The following SCML4 variants were observed in gnomAD, a reference collection of about 807,000 sequenced individuals.
SCML4 encodes the protein Scm polycomb group protein like 4.
Under a neutral mutation model 41.1 loss-of-function variants are expected in SCML4, and 34 were observed. The ratio of observed to expected loss-of-function variants is 0.83; its 90% CI spans 0.63 to 1.10. SCML4 has a LOEUF of 1.10. Among genes scored for constraint, SCML4 ranks in the 50% least tolerant of loss-of-function variants. The pLI is 0.00. For synonymous variants in SCML4, 214 were observed against 220.9 expected (o/e 0.97, Z 0.28); for missense variants, 522 against 534.1 (o/e 0.98, Z 0.22).
At chr6:107,749,275 A>C (rs1487752760) in intron 3 of SCML4, among the ~76,000 whole-genome samples, 2 of 152,110 alleles carry the variant, frequency 1.3e-5, no homozygotes, top group African/African-American at 4.8e-5. Context: ...AGTGGGTCAG[A>C]CTGAGGGCGA....
At chr6:107,733,824 C>T (rs1252698316) in intron 5 of SCML4, among the ~76,000 whole-genome samples, 3 of 152,210 alleles carry the variant, frequency 2.0e-5, no homozygotes, top group Admixed American at 1.3e-4. Flanking sequence ...GCCCATCTCC[C>T]GGACCTACTC....
At chr6:107,721,519 A>G (rs1775412988) in intron 5 of SCML4, among the ~76,000 whole-genome samples, 1 of 74,740 alleles carries the variant, frequency 1.3e-5, no homozygotes, top group South Asian at 5.3e-4. Context: ...GCAAAACTCC[A>G]TCTCAAAAAA....
intron 1 of SCML4, among the ~76,000 whole-genome samples, chr6:107,815,673 C>T (rs4945794): frequency 0.12 from 17,608 of 152,264 alleles, 1,335 homozygotes; most frequent in Admixed American, 0.2. Flanking sequence ...TGCCCAGAGG[C>T]GGGTGCCTGC....
intron 5 of SCML4, among the ~76,000 whole-genome samples, chr6:107,744,403 A>T (rs1242292332): frequency 6.6e-6 from 1 of 152,220 alleles, no homozygotes; most frequent in Non-Finnish European, 1.5e-5. Context: ...GATGAGAACG[A>T]AACACTAACC....
At chr6:107,740,038 C>T (rs916706750) in intron 5 of SCML4, 1 of 442,228 alleles carries the variant, frequency 2.3e-6, no homozygotes, top group Non-Finnish European at 4.6e-6. Flanking sequence ...TAGTTATGAG[C>T]TAGGAAAGGG....
At chr6:107,782,696 G>C (rs1282680625) in intron 1 of SCML4, among the ~76,000 whole-genome samples, 1 of 152,056 alleles carries the variant, frequency 6.6e-6, no homozygotes, top group African/African-American at 2.4e-5. Context: ...CTGATGGCAG[G>C]TGCTGGTCTG....
intron 1 of SCML4, among the ~76,000 whole-genome samples, chr6:107,813,425 AAAC>A (rs1784350080): frequency 7.1e-4 from 7 of 9,836 alleles, no homozygotes; most frequent in South Asian, 4.0e-3. Flanking sequence ...TATATATATA[AAAC>A]TGTAAAATTA....
intron 5 of SCML4, among the ~76,000 whole-genome samples, chr6:107,736,452 A>T (rs1777074525): frequency 6.6e-6 from 1 of 152,166 alleles, no homozygotes; most frequent in African/African-American, 2.4e-5. Context: ...GGAAAAGCAA[A>T]GGGCCGGGGA....
At chr6:107,817,619 T>TA (rs1784638175) in intron 1 of SCML4, among the ~76,000 whole-genome samples, 1 of 7,764 alleles carries the variant, frequency 1.3e-4, no homozygotes, top group Non-Finnish European at 3.2e-4. Flanking sequence ...AGACTTCATC[T>TA]CAAAAAAAAA....
intron 1 of SCML4, among the ~76,000 whole-genome samples, chr6:107,789,468 A>G (rs1782152604): frequency 6.6e-6 from 1 of 152,204 alleles, no homozygotes; most frequent in Non-Finnish European, 1.5e-5. Context: ...TGGTGTGCAG[A>G]CAGCGCACGG....
chr6:107,832,816 G>A, the SCML4 span, among the ~76,000 whole-genome samples: 3 of 152,170 alleles, frequency 2.0e-5, no homozygotes, highest in African/African-American at 4.8e-5. Context: ...GGTGCTGCGC[G>A]CCGCACATGT....
intron 2 of SCML4, among the ~76,000 whole-genome samples, chr6:107,768,381 T>A (rs1780246892): frequency 6.6e-6 from 1 of 152,214 alleles, no homozygotes; most frequent in Non-Finnish European, 1.5e-5. Flanking sequence ...TGAATTTGTA[T>A]CCCGAATGAC....
chr6:107,738,553 G>A (rs1387971383), intron 5 of SCML4, among the ~76,000 whole-genome samples: 1 of 152,052 alleles, frequency 6.6e-6, no homozygotes, highest in Non-Finnish European at 1.5e-5. Context: ...TCCAGGAGGT[G>A]GAGGTCGCAG....
At chr6:107,713,119 C>T (rs1774386092) in intron 6 of SCML4, among the ~76,000 whole-genome samples, 1 of 152,206 alleles carries the variant, frequency 6.6e-6, no homozygotes, top group Non-Finnish European at 1.5e-5. Context: ...CAAAGCAATC[C>T]TGATTCTCAC....
At chr6:107,819,807 G>C (rs565857954) in intron 1 of SCML4, among the ~76,000 whole-genome samples, 3 of 152,266 alleles carry the variant, frequency 2.0e-5, no homozygotes, top group African/African-American at 4.8e-5. Flanking sequence ...AACTGGTATA[G>C]TAATAGTCAC....
chr6:107,749,601 T>C, intron 3 of SCML4, 83 bp downstream of exon 3: 1 of 1,529,398 alleles, frequency 6.5e-7, no homozygotes, highest in East Asian at 2.3e-5. Flanking sequence ...AACAACTCTT[T>C]AATCCACAAA....
chr6:107,776,175 A>C (rs1332851802), intron 1 of SCML4, among the ~76,000 whole-genome samples: 5 of 152,176 alleles, frequency 3.3e-5, no homozygotes, highest in Admixed American at 6.5e-5. Context: ...AAACTCAAAC[A>C]CTTTCATAAA....
intron 1 of SCML4, among the ~76,000 whole-genome samples, chr6:107,820,863 G>A (rs1784900244): frequency 6.6e-6 from 1 of 152,182 alleles, no homozygotes; most frequent in Non-Finnish European, 1.5e-5. Context: ...AAAAAAAGAA[G>A]AAGAAGGAGA....
chr6:107,751,572 A>ATCTTCCTT (rs1397888384), intron 2 of SCML4, among the ~76,000 whole-genome samples: 13 of 87,670 alleles, frequency 1.5e-4, no homozygotes, highest in African/African-American at 5.8e-4. Context: ...CATTTTAACA[A>ATCTTCCTT]TCTTTCTTTC....
Sources: allele counts gnomAD v4.1 joint callset (sites outside exome capture counted in the v4.1 genomes callset), GRCh38; gene constraint gnomAD v4.1.1; transcripts MANE v1.5; gene names NCBI Gene and HGNC (gene_info 2026-07-23, HGNC 2026-07-21).